Variants in KCNN2 observed in about 807,000 individuals in gnomAD.
KCNN2 encodes potassium calcium-activated channel subfamily N member 2.
Under a neutral mutation model 55.5 loss-of-function variants are expected in KCNN2, and 24 were observed. The observed-to-expected ratio is 0.43, with a 90% CI of 0.31 to 0.61. The LOEUF (loss-of-function observed/expected upper bound fraction) is 0.61. Ranked by LOEUF, KCNN2 falls within the 20% of genes least tolerant of loss-of-function variation. KCNN2 has a pLI of 0.08. For synonymous variants in KCNN2, 431 were observed against 336.1 expected (o/e 1.28, Z -3.09); for missense variants, 754 against 853.6 (o/e 0.88, Z 1.45).
chr5:114,091,449 A>G (rs991474062), intron 1 of KCNN2, among the ~76,000 whole-genome samples: 1 of 152,174 alleles, frequency 6.6e-6, no homozygotes, highest in Admixed American at 6.5e-5. Context: ...GTTCAGATGA[A>G]ATGAAGAGAT....
At chr5:114,105,464 G>C (rs1034320868) in intron 1 of KCNN2, among the ~76,000 whole-genome samples, 2 of 152,044 alleles carry the variant, frequency 1.3e-5, no homozygotes, top group Non-Finnish European at 2.9e-5. Context: ...CAAGTCATCT[G>C]TAAGTCAAAC....
intron 2 of KCNN2, among the ~76,000 whole-genome samples, chr5:114,380,599 T>A (rs1223886034): frequency 2.0e-5 from 3 of 152,226 alleles, no homozygotes; most frequent in Non-Finnish European, 2.9e-5. Flanking sequence ...TCTACTATAC[T>A]TAGTCCAGTG....
chr5:114,179,052 G>C (rs1561511425), intron 1 of KCNN2, among the ~76,000 whole-genome samples: 3 of 151,996 alleles, frequency 2.0e-5, no homozygotes. Context: ...ATAAACTTGG[G>C]GAACTGTATT....
chr5:114,081,087 GA>G (rs778800910), intron 1 of KCNN2, among the ~76,000 whole-genome samples: 1 of 151,958 alleles, frequency 6.6e-6, no homozygotes, highest in Non-Finnish European at 1.5e-5. Flanking sequence ...AAAAACTTAG[GA>G]ATTAAGAAGT....
chr5:114,261,292 ACT>A (rs765999841), intron 2 of KCNN2, among the ~76,000 whole-genome samples: 1 of 152,046 alleles, frequency 6.6e-6, no homozygotes, highest in African/African-American at 2.4e-5. Context: ...GAGTGCAAGG[ACT>A]CTGAGTTTCT....
intron 3 of KCNN2, among the ~76,000 whole-genome samples, chr5:114,437,735 T>G (rs1000764770): frequency 2.6e-5 from 4 of 152,156 alleles, no homozygotes; most frequent in Non-Finnish European, 4.4e-5. Flanking sequence ...CTCTCTGGTG[T>G]AAAAGGATCT....
rs1554083531 is a variant in KCNN2 at position 114,364,013 on chromosome 5, C to T, written c.1218+12C>T. The stretch of plus-strand genomic sequence containing the variant: ...CCAGGGAAATACAGGTAACTTAGGT[C>T]CTGCTGTTTATGAATGACCCAAAGC... On this transcript the variant is annotated intron_variant, in intron 2 of 7. Coordinates refer to ENST00000673685, the MANE Select transcript of KCNN2 (RefSeq NM_021614.4). The T allele has an allele frequency of 6.3e-7, 1 of 1,598,744 alleles. No homozygotes were observed. Among genetic ancestry groups the T allele is most frequent in the Non-Finnish European group, 8.6e-7 (1 of 1,166,238 alleles).
chr5:114,270,950 CA>C (rs1755318136), intron 2 of KCNN2, among the ~76,000 whole-genome samples: 1 of 152,114 alleles, frequency 6.6e-6, no homozygotes, highest in African/African-American at 2.4e-5. Flanking sequence ...TGTTACAGCT[CA>C]TAAAGGTAGT....
At chr5:114,229,286 C>T (rs1754307049) in intron 2 of KCNN2, among the ~76,000 whole-genome samples, 1 of 151,188 alleles carries the variant, frequency 6.6e-6, no homozygotes, top group Non-Finnish European at 1.5e-5. Context: ...ACTAAGATCC[C>T]TGCTTTTTTT....
chr5:114,249,954 G>A (rs1754826086), intron 2 of KCNN2, among the ~76,000 whole-genome samples: 1 of 152,050 alleles, frequency 6.6e-6, no homozygotes, highest in Non-Finnish European at 1.5e-5. Context: ...CATATGATAC[G>A]TATAACATTC....
At position 114,207,144 on chromosome 5, in the gene KCNN2, A is replaced by G. The variant is rs574828871; in HGVS notation, c.-270-14336A>G. 9.7e-4 allele frequency among the ~76,000 whole-genome samples: 147 copies of G among 152,246 alleles called. 2 individuals are homozygous for G. Among genetic ancestry groups the G allele is most frequent in the African/African-American group, 3.4e-3 (140 of 41,554 alleles). ...GAAGTGTCTTTGTGATGAACTCCCT[A>G]ATGACTAGTTCTTGTTTTGGGGTGT... On this transcript the variant is annotated intron_variant, in intron 1 of 10. Coordinates refer to the KCNN2 transcript ENST00000512097.
At chr5:114,485,455 G>A (rs1450671038) in intron 5 of KCNN2, among the ~76,000 whole-genome samples, 3 of 152,158 alleles carry the variant, frequency 2.0e-5, no homozygotes, top group Non-Finnish European at 4.4e-5. Flanking sequence ...AACTACTCAT[G>A]CTGCACTCAT....
intron 2 of KCNN2, among the ~76,000 whole-genome samples, chr5:114,323,669 C>CTTTTTTTTTTT (rs1756658366): frequency 5.9e-5 from 1 of 17,038 alleles, no homozygotes; most frequent in African/African-American, 1.7e-4. Flanking sequence ...TTTTTTTTTG[C>CTTTTTTTTTTT]TGGTCGGGAT....
chr5:114,059,256 A>G (rs1193344703), intron 1 of KCNN2, among the ~76,000 whole-genome samples: 1 of 152,244 alleles, frequency 6.6e-6, no homozygotes, highest in African/African-American at 2.4e-5. Context: ...CTGTGTACAA[A>G]GAAGAGAAAG....
At chr5:114,416,211 G>A (rs1759299124) in intron 3 of KCNN2, among the ~76,000 whole-genome samples, 1 of 152,002 alleles carries the variant, frequency 6.6e-6, no homozygotes, top group Non-Finnish European at 1.5e-5. Context: ...TTTCACTTAG[G>A]ATTAAGTGTT....
In KCNN2 at chr5:114,363,070, A is replaced by T. The variant is rs774535579; in HGVS notation, c.931A>T (p.Ser311Cys). The change falls in exon 1 of 8, where the codon AGC becomes TGC. Residue 311 changes from serine to cysteine, a missense_variant. Around this residue, in one of 4 missense-constraint regions of KCNN2, gnomAD observed 381 missense variants for 259.1 expected, o/e 1.47. Coordinates refer to ENST00000673685, the MANE Select transcript of KCNN2 (RefSeq NM_021614.4). ...TGGAGGAGGCGGCGGCGGTGGCGGGAGCGGGCACGGCAGCAGCAGTGGCAC... is the reference window on the plus strand; with the variant it reads ...TGGAGGAGGCGGCGGCGGTGGCGGGTGCGGGCACGGCAGCAGCAGTGGCAC... Reference protein sequence around the residue: ...STGGGGGGGGSGHGSSSGTKS... With the variant: ...STGGGGGGGGCGHGSSSGTKS... 3 of 1,609,624 alleles carry T rather than the reference A, an allele frequency of 1.9e-6. No individual in the cohort carries two copies. The highest frequency in any genetic ancestry group is 8.5e-7 in the Non-Finnish European group (1 of 1,179,346).
intron 1 of KCNN2, among the ~76,000 whole-genome samples, chr5:114,199,813 T>C (rs908540896): frequency 6.6e-6 from 1 of 152,116 alleles, no homozygotes; most frequent in African/African-American, 2.4e-5. Flanking sequence ...TTTTTTCTAT[T>C]AGCACTTTGA....
intron 2 of KCNN2, among the ~76,000 whole-genome samples, chr5:114,274,860 T>C (rs1561550320): frequency 1.3e-5 from 2 of 152,216 alleles, no homozygotes; most frequent in Non-Finnish European, 2.9e-5. Context: ...TGGCCAGAAC[T>C]TCCAACACTA....
At chr5:114,152,944 G>A (rs1752556325) in intron 1 of KCNN2, among the ~76,000 whole-genome samples, 1 of 152,148 alleles carries the variant, frequency 6.6e-6, no homozygotes, top group African/African-American at 2.4e-5. Context: ...GGAGTAATCT[G>A]AAAGGGAGAT....
Sources: allele counts gnomAD v4.1 joint callset (sites outside exome capture counted in the v4.1 genomes callset), GRCh38; gene constraint gnomAD v4.1.1; regional missense constraint gnomAD v4.1.1; transcripts MANE v1.5; gene names NCBI Gene and HGNC (gene_info 2026-07-23, HGNC 2026-07-21).